NTRK3: variants seen among roughly 807,000 people sequenced by gnomAD.
The protein encoded by NTRK3 is neurotrophic receptor tyrosine kinase 3.
Under a neutral mutation model 91.7 loss-of-function variants are expected in NTRK3, and 24 were observed. That is an observed-to-expected ratio of 0.26 (90% CI 0.19 to 0.37). NTRK3 has a LOEUF of 0.37. Among genes scored for constraint, NTRK3 ranks in the 10% least tolerant of loss-of-function variants. The probability of loss-of-function intolerance (pLI) is 1.00; values close to 1 mark genes in which losing one functional copy is unlikely to be tolerated. For missense variants in NTRK3, 880 were observed against 1,068.9 expected (o/e 0.82, Z 2.46); for synonymous variants, 483 against 404.0 (o/e 1.20, Z -2.34).
At chr15:88,183,273 C>T (rs1466583852) in intron 5 of NTRK3, 145 bp downstream of exon 5, 3 of 765,812 alleles carry the variant, frequency 3.9e-6, no homozygotes, top group East Asian at 2.5e-5. Context: ...TTTTAAGAGG[C>T]AAAATTGGAA....
intron 17 of NTRK3, chr15:87,925,441 G>GCA (rs61582719): frequency 0.089 from 16,132 of 180,798 alleles, 694 homozygotes; most frequent in Admixed American, 0.12. Flanking sequence ...ACACGTGTAT[G>GCA]CACACACACA....
chr15:88,058,852 G>A (rs972322418), intron 13 of NTRK3, among the ~76,000 whole-genome samples: 1 of 152,134 alleles, frequency 6.6e-6, no homozygotes, highest in Admixed American at 6.5e-5. Flanking sequence ...CATGATGATG[G>A]AGGCAGTAAA....
At chr15:88,250,090 C>T (rs1049475669) in intron 3 of NTRK3, among the ~76,000 whole-genome samples, 2 of 152,160 alleles carry the variant, frequency 1.3e-5, no homozygotes, top group African/African-American at 2.4e-5. Flanking sequence ...TCTCTGGGGC[C>T]GTAAGTATTC....
chr15:88,230,487 T>A (rs1283587926), intron 3 of NTRK3, among the ~76,000 whole-genome samples: 2 of 152,318 alleles, frequency 1.3e-5, no homozygotes, highest in Admixed American at 1.3e-4. Flanking sequence ...GTCATTGCCT[T>A]CTCTGTAAAA....
At chr15:88,085,058 A>ACCAATTCCC (rs2048375926) in intron 13 of NTRK3, among the ~76,000 whole-genome samples, 1 of 152,212 alleles carries the variant, frequency 6.6e-6, no homozygotes, top group Admixed American at 6.5e-5. Flanking sequence ...CCAGGGTCAA[A>ACCAATTCCC]AGAGTAGAAA....
intron 13 of NTRK3, among the ~76,000 whole-genome samples, chr15:88,033,338 T>A (rs1335139163): frequency 6.7e-6 from 1 of 149,284 alleles, no homozygotes; most frequent in Non-Finnish European, 1.5e-5. Context: ...TGAAATAGAG[T>A]CTCTCTCCAT....
chr15:87,939,641 G>A (rs1291832065), intron 15 of NTRK3, among the ~76,000 whole-genome samples: 1 of 152,090 alleles, frequency 6.6e-6, no homozygotes, highest in Non-Finnish European at 1.5e-5. Flanking sequence ...GTGAGGTCTG[G>A]GTGAATGTCT....
intron 14 of NTRK3, chr15:87,981,374 C>T (rs756112763): frequency 6.2e-7 from 1 of 1,613,950 alleles, no homozygotes; most frequent in South Asian, 1.1e-5. Flanking sequence ...GCAGAAGAGG[C>T]AGACATGGGG....
intron 3 of NTRK3, among the ~76,000 whole-genome samples, chr15:88,236,932 T>C (rs1401642200): frequency 6.6e-6 from 1 of 152,156 alleles, no homozygotes; most frequent in Admixed American, 6.5e-5. Context: ...TGTCTCTCAC[T>C]GGGTTTGGGT....
Position 88,255,998 on chromosome 15 carries a change from G to T in NTRK3, c.156C>A (p.Asn52Lys), listed in dbSNP as rs1434105549. ...CCTGCCCTTCCAGGAGGGGGAAGAGGTTCCCATCGTCCGGCCGCCGGCAAT... is the reference window on the plus strand; with the variant it reads ...CCTGCCCTTCCAGGAGGGGGAAGAGTTTCCCATCGTCCGGCCGCCGGCAAT... The change falls in exon 3 of 19, where the codon AAC becomes AAA. Residue 52 changes from asparagine (N) to lysine (K), a missense_variant. Around this residue, in one of 3 missense-constraint regions of NTRK3, gnomAD observed 743 missense variants for 868.6 expected, o/e 0.86. Transcript: ENST00000394480. This position sits in a 1 kb window ranked among gnomAD's most constrained non-coding sequence, Gnocchi z 4.3. 1.9e-6 allele frequency: 3 copies of T among 1,613,644 alleles called. No individual in the cohort carries two copies. Among genetic ancestry groups the T allele is most frequent in the Non-Finnish European group, 2.5e-6 (3 of 1,179,820 alleles).
In NTRK3 at chr15:88,233,065, A is replaced by G. The variant is rs2051350250; in HGVS notation, c.248+22841T>C. Among the ~76,000 whole-genome samples the G allele has an allele frequency of 6.6e-6, 1 of 152,154 alleles. No individual in the cohort carries two copies. Among genetic ancestry groups the G allele is most frequent in the Non-Finnish European group, 1.5e-5 (1 of 68,028 alleles). ...TTTTATAAATCTCTGCCTCTTAATG[A>G]TGGCTTCAAGGCTGAGGGGAGAAGG... On this transcript the variant is annotated intron_variant, in intron 3 of 18. Coordinates refer to ENST00000394480, the Ensembl canonical transcript of NTRK3. The surrounding 1 kb of genome is among the most constrained non-coding windows in gnomAD (Gnocchi z 4.2).
intron 5 of NTRK3, among the ~76,000 whole-genome samples, chr15:88,172,005 C>T (rs941396298): frequency 1.3e-5 from 2 of 152,232 alleles, no homozygotes; most frequent in South Asian, 4.1e-4. Flanking sequence ...TCTTGGGAGA[C>T]CCTGTCTGCA....
At chr15:88,079,057 C>T (rs921627174) in intron 13 of NTRK3, among the ~76,000 whole-genome samples, 4 of 152,092 alleles carry the variant, frequency 2.6e-5, no homozygotes, top group Non-Finnish European at 4.4e-5. Context: ...AACAGGTGAA[C>T]ATGGGGAGCC....
intron 6 of NTRK3, among the ~76,000 whole-genome samples, chr15:88,139,987 G>A (rs1392669355): frequency 6.6e-6 from 1 of 152,156 alleles, no homozygotes; most frequent in Non-Finnish European, 1.5e-5. Context: ...GAAGTTGTAG[G>A]TGAGGTGTGA....
chr15:88,134,169 CAA>C (rs2151181630), intron 10 of NTRK3, among the ~76,000 whole-genome samples: 1 of 152,274 alleles, frequency 6.6e-6, no homozygotes, highest in East Asian at 1.9e-4. Context: ...GATTGAAGAC[CAA>C]AGGTCTCCTA....
chr15:88,178,618 G>T (rs2046206629), intron 5 of NTRK3, among the ~76,000 whole-genome samples: 1 of 152,216 alleles, frequency 6.6e-6, no homozygotes, highest in South Asian at 2.1e-4. Flanking sequence ...GCCCAAGAGA[G>T]ATCCCACCAC....
At chr15:88,083,586 C>T (rs1242552302) in intron 13 of NTRK3, among the ~76,000 whole-genome samples, 1 of 152,086 alleles carries the variant, frequency 6.6e-6, no homozygotes, top group Non-Finnish European at 1.5e-5. Flanking sequence ...AGGGTTAAGA[C>T]AGTATGGGCC....
intron 14 of NTRK3, among the ~76,000 whole-genome samples, chr15:87,989,645 G>A (rs1309629734): frequency 2.7e-5 from 4 of 150,216 alleles, no homozygotes; most frequent in Non-Finnish European, 5.9e-5. Flanking sequence ...AGAACTTAAA[G>A]TATAAAAAAA....
At chr15:87,869,547 G>T (rs1341187930) in exon 19 of NTRK3, 1 of 216,644 alleles carries the variant, frequency 4.6e-6, no homozygotes, top group Non-Finnish European at 9.3e-6. Context: ...ACTGTTTGAA[G>T]TCCAAACTGT....
Sources: gnomAD v4.1 joint callset for allele counts (sites outside exome capture counted in the v4.1 genomes callset) on GRCh38, gnomAD v4.1.1 for gene constraint, gnomAD v4.1.1 regional missense constraint, Gnocchi (gnomAD v3.1) non-coding constraint, MANE v1.5 for transcripts, NCBI Gene and HGNC (gene_info 2026-07-23, HGNC 2026-07-21) for gene names.